Variants in NR1H4 observed in about 807,000 individuals in gnomAD.
The protein encoded by NR1H4 is nuclear receptor subfamily 1 group H member 4, also known as bile acid receptor.
Under a neutral mutation model 58.5 loss-of-function variants are expected in NR1H4, and 23 were observed. The ratio of observed to expected loss-of-function variants is 0.39; its 90% CI spans 0.28 to 0.56. NR1H4 has a LOEUF of 0.56. NR1H4 is among the 20% of genes least tolerant of loss of function. The pLI, the probability that NR1H4 is intolerant of heterozygous loss-of-function variation, is 0.58. For synonymous variants in NR1H4, 214 were observed against 198.0 expected (o/e 1.08, Z -0.68); for missense variants, 487 against 576.9 (o/e 0.84, Z 1.60).
rs1276229872 is a variant in NR1H4, at chr12:100,480,866, T to C, written c.-190+6807T>C. Among the ~76,000 whole-genome samples the C allele has an allele frequency of 2.0e-5, 3 of 152,240 alleles. No individual in the cohort carries two copies. The East Asian group carries it at 5.8e-4, about 29-fold the overall frequency. On this transcript the variant is annotated intron_variant, in intron 1 of 10. Transcript: ENST00000392986. ...TTCAACTGGAATGAAAGGACTGAGATGGCCTCACTCATGTCTGGGGTCTTG... is the reference window on the plus strand; with the variant it reads ...TTCAACTGGAATGAAAGGACTGAGACGGCCTCACTCATGTCTGGGGTCTTG...
chr12:100,557,537 C>T (rs914063214), intron 9 of NR1H4, among the ~76,000 whole-genome samples: 2 of 152,186 alleles, frequency 1.3e-5, no homozygotes, highest in African/African-American at 4.8e-5. Context: ...CTGGTGAACG[C>T]ATCCCTCATC....
At chr12:100,497,238 C>T (rs1197282510) in intron 3 of NR1H4, among the ~76,000 whole-genome samples, 1 of 152,082 alleles carries the variant, frequency 6.6e-6, no homozygotes, top group Non-Finnish European at 1.5e-5. Context: ...GGCATTAATT[C>T]CCCGCACTTC....
chr12:100,483,480 G>A (rs1318043635), intron 1 of NR1H4, among the ~76,000 whole-genome samples: 1 of 152,170 alleles, frequency 6.6e-6, no homozygotes, highest in Non-Finnish European at 1.5e-5. Context: ...TCAGAATGAT[G>A]TGGTCCAATG....
At chr12:100,553,520 A>G (rs1027912409) in intron 9 of NR1H4, among the ~76,000 whole-genome samples, 2 of 152,200 alleles carry the variant, frequency 1.3e-5, no homozygotes, top group Admixed American at 1.3e-4. Flanking sequence ...TATTTCAGGA[A>G]AAAGCATGAA....
intron 9 of NR1H4, among the ~76,000 whole-genome samples, chr12:100,554,311 G>A (rs1471894096): frequency 6.6e-6 from 1 of 151,984 alleles, no homozygotes; most frequent in African/African-American, 2.4e-5. Context: ...AGTCCATCTT[G>A]AGGACGTCAT....
At chr12:100,498,682 AT>A (rs1445441593) in intron 3 of NR1H4, among the ~76,000 whole-genome samples, 1 of 152,136 alleles carries the variant, frequency 6.6e-6, no homozygotes, top group Non-Finnish European at 1.5e-5. Context: ...ATGTAAATAA[AT>A]TTCTGGTTAC....
rs755515451 is a variant in NR1H4, at chr12:100,561,945, A to G, written c.1139A>G (p.Lys380Arg). The change falls in exon 10 of 11, where the codon AAA becomes AGA. Residue 380 changes from lysine to arginine, a missense_variant. Physicochemically the swap from Lys to Arg is conservative, Grantham distance 26. Transcript: ENST00000392986. ...TTTTATAAAAGTATTGGGGAACTGAAAATGACTCAAGAGGAGTATGCTCTG... is the reference window on the plus strand; with the variant it reads ...TTTTATAAAAGTATTGGGGAACTGAGAATGACTCAAGAGGAGTATGCTCTG... ...FSFYKSIGEL[K>R]MTQEEYALLT... 29 of 1,569,916 alleles carry G rather than the reference A, an allele frequency of 1.8e-5. No individual in the cohort carries two copies. The highest frequency in any genetic ancestry group is 3.3e-4 in the Middle Eastern group (2 of 5,978).
chr12:100,511,208 G>A, intron 4 of NR1H4, 65 bp downstream of exon 4: 1 of 1,605,298 alleles, frequency 6.2e-7, no homozygotes, highest in Non-Finnish European at 8.5e-7. Context: ...GAAATCCCTT[G>A]AACTAATTGC....
intron 9 of NR1H4, among the ~76,000 whole-genome samples, chr12:100,561,049 T>C (rs1357922332): frequency 6.6e-6 from 1 of 152,154 alleles, no homozygotes; most frequent in African/African-American, 2.4e-5. Context: ...CAATTACTGA[T>C]GCTTAGTAGG....
intron 9 of NR1H4, among the ~76,000 whole-genome samples, chr12:100,554,392 AACACACACACACACAC>A (rs60582622): frequency 6.8e-6 from 1 of 148,000 alleles, no homozygotes; most frequent in African/African-American, 2.5e-5. Flanking sequence ...ACTTGTAAAT[AACACACACACACACAC>A]ACACACACAC....
intron 1 of NR1H4, among the ~76,000 whole-genome samples, chr12:100,477,621 AT>A (rs1425907945): frequency 6.6e-6 from 1 of 152,220 alleles, no homozygotes; most frequent in East Asian, 1.9e-4. Flanking sequence ...CATGGAGAAG[AT>A]AGTCCTGCTG....
At chr12:100,526,214 TG>T (rs1954553762) in intron 4 of NR1H4, among the ~76,000 whole-genome samples, 1 of 151,970 alleles carries the variant, frequency 6.6e-6, no homozygotes, top group Non-Finnish European at 1.5e-5. Flanking sequence ...TTGCTTATTT[TG>T]GATTTAATTT....
intron 5 of NR1H4, 142 bp from the exon 6 acceptor site, chr12:100,534,748 C>A: frequency 1.1e-6 from 1 of 931,518 alleles, no homozygotes; most frequent in Non-Finnish European, 1.7e-6. Context: ...CCTTCCCTTT[C>A]TAAAATGCAT....
At chr12:100,561,752 A>C (rs2136326551) in intron 9 of NR1H4, 133 bp from the exon 10 acceptor site, 1 of 615,722 alleles carries the variant, frequency 1.6e-6, no homozygotes, top group South Asian at 2.0e-5. Flanking sequence ...ATATAATAAA[A>C]ATAATATAGT....
chr12:100,520,803 A>G (rs115796103), intron 4 of NR1H4, among the ~76,000 whole-genome samples: 1,560 of 152,256 alleles, frequency 0.01, 27 homozygotes, highest in African/African-American at 0.036. Context: ...CATATCCACC[A>G]TGTTAGCTGC....
chr12:100,507,042 T>G (rs1953982619), intron 3 of NR1H4, among the ~76,000 whole-genome samples: 1 of 152,152 alleles, frequency 6.6e-6, no homozygotes, highest in Non-Finnish European at 1.5e-5. Context: ...ATTTTAGAAT[T>G]GTCATATGAG....
intron 2 of NR1H4, 47 bp from the exon 3 acceptor site, chr12:100,493,223 A>G (rs984941325): frequency 1.4e-5 from 10 of 718,568 alleles, no homozygotes; most frequent in African/African-American, 3.5e-5. Context: ...CTCCTAACCA[A>G]CCCTTCCCGC....
intron 4 of NR1H4, among the ~76,000 whole-genome samples, chr12:100,526,533 G>A (rs1954562112): frequency 6.6e-6 from 1 of 152,160 alleles, no homozygotes; most frequent in African/African-American, 2.4e-5. Context: ...CCCGGCTGAT[G>A]TGAAATTCAT....
intron 3 of NR1H4, among the ~76,000 whole-genome samples, chr12:100,496,031 G>A (rs1953708237): frequency 6.6e-6 from 1 of 152,120 alleles, no homozygotes; most frequent in Non-Finnish European, 1.5e-5. Flanking sequence ...GGTTAACTGT[G>A]TATTGAAAAC....
Sources: gnomAD v4.1 joint callset for allele counts (sites outside exome capture counted in the v4.1 genomes callset) on GRCh38, gnomAD v4.1.1 for gene constraint, MANE v1.5 for transcripts, NCBI Gene and HGNC (gene_info 2026-07-23, HGNC 2026-07-21) for gene names.